Variants in ZFP64 observed in about 807,000 individuals in gnomAD.
ZFP64 encodes zinc finger protein 64.
ZFP64 carries 14 observed loss-of-function variants against 51.6 expected under a neutral mutation model. The observed-to-expected ratio is 0.27, with a 90% confidence interval of 0.18 to 0.42. The LOEUF is 0.42. Among genes scored for constraint, ZFP64 ranks in the 10% least tolerant of loss-of-function variants. The probability of loss-of-function intolerance (pLI) is 1.00; values close to 1 mark genes in which losing one functional copy is unlikely to be tolerated. For synonymous variants in ZFP64, 375 were observed against 361.4 expected (o/e 1.04, Z -0.43); for missense variants, 754 against 906.8 (o/e 0.83, Z 2.16).
In ZFP64 at chr20:52,160,316, C is replaced by T; in HGVS notation, c.570G>A (p.Leu190=). 1 of 1,614,232 alleles carries T rather than the reference C, an allele frequency of 6.2e-7. No homozygotes were observed. The highest frequency in any genetic ancestry group is 8.5e-7 in the Non-Finnish European group (1 of 1,180,050). ...CGKCFSRKDK[L]KTHMRCHTGV... ...CCGTGTGGCACCGCATGTGAGTTTT[C>T]AGCTTGTCTTTCCGGCTAAAGCACT... is the stretch of plus-strand genomic sequence containing the variant. Residue 190 remains leucine (L), a synonymous_variant, in exon 5 of 6, where the codon CTG becomes CTA. Transcript: ENST00000216923. This position sits in a 1 kb window ranked among gnomAD's most constrained non-coding sequence, Gnocchi z 4.2.
At chr20:52,104,882 A>C in intron 5 of ZFP64, 2 of 668,738 alleles carry the variant, frequency 3.0e-6, no homozygotes, top group South Asian at 1.6e-5. Context: ...TTGGGAGGCA[A>C]ACTCGTTGAC....
chr20:52,182,827 C>T (rs895199115), intron 2 of ZFP64, among the ~76,000 whole-genome samples: 1 of 152,240 alleles, frequency 6.6e-6, no homozygotes, highest in African/African-American at 2.4e-5. Context: ...GAGCAGTGTT[C>T]ACACCCAAGA....
chr20:52,097,953 A>T (rs1284666750), intron 6 of ZFP64, among the ~76,000 whole-genome samples: 1 of 152,198 alleles, frequency 6.6e-6, no homozygotes, highest in East Asian at 1.9e-4. Context: ...CTGTAGTCCC[A>T]ACTACTCAGG....
intron 2 of ZFP64, among the ~76,000 whole-genome samples, chr20:52,173,868 T>G (rs1392847213): frequency 6.6e-6 from 1 of 152,094 alleles, no homozygotes; most frequent in South Asian, 2.1e-4. Context: ...CAGGCTCATC[T>G]TGAACTCCCG....
chr20:52,098,457 C>A (rs140962599), exon 6 of ZFP64: 8 of 1,613,898 alleles, frequency 5.0e-6, no homozygotes, highest in Middle Eastern at 3.3e-4. Context: ...AACAGTTGAA[C>A]GTCCTCTCTC....
At chr20:52,129,175 G>A (rs1005562921) in intron 5 of ZFP64, among the ~76,000 whole-genome samples, 1 of 151,128 alleles carries the variant, frequency 6.6e-6, no homozygotes, top group African/African-American at 2.4e-5. Context: ...TCCGCCTCCC[G>A]GGTTCACGCC....
At chr20:52,190,094 A>T (rs894471601) in intron 1 of ZFP64, among the ~76,000 whole-genome samples, 2 of 152,216 alleles carry the variant, frequency 1.3e-5, no homozygotes, top group Non-Finnish European at 2.9e-5. Flanking sequence ...CTTGCTAAGG[A>T]GACTGGGCTG....
chr20:52,167,784 C>A (rs1982404803), intron 2 of ZFP64, among the ~76,000 whole-genome samples: 1 of 152,180 alleles, frequency 6.6e-6, no homozygotes, highest in Admixed American at 6.5e-5. Flanking sequence ...CCACCTTTGA[C>A]ATTTTTGACA....
chr20:52,156,877 G>C (rs888865054), intron 5 of ZFP64, among the ~76,000 whole-genome samples: 2 of 152,086 alleles, frequency 1.3e-5, no homozygotes, highest in Non-Finnish European at 2.9e-5. Context: ...ATAAATTCTA[G>C]GCAGAACAGT....
intron 2 of ZFP64, among the ~76,000 whole-genome samples, chr20:52,177,450 A>T (rs530291669): frequency 6.6e-6 from 1 of 152,068 alleles, no homozygotes; most frequent in Non-Finnish European, 1.5e-5. Flanking sequence ...GGCCAGCAGG[A>T]TCTGGAGTTT....
intron 5 of ZFP64, chr20:52,110,508 T>G (rs1600716601): frequency 1.4e-6 from 1 of 715,438 alleles, no homozygotes. Flanking sequence ...AGATCTTCCC[T>G]GTGATCTTCA....
At chr20:52,150,909 C>G (rs1163869784), downstream of ZFP64, among the ~76,000 whole-genome samples, 1 of 152,196 alleles carries the variant, frequency 6.6e-6, no homozygotes, top group South Asian at 2.1e-4. Context: ...TCAATACAAC[C>G]TATGCTTTGG....
intron 7 of ZFP64, among the ~76,000 whole-genome samples, chr20:52,094,086 G>A (rs2078958730): frequency 6.6e-6 from 1 of 152,180 alleles, no homozygotes; most frequent in Non-Finnish European, 1.5e-5. Flanking sequence ...CCGGACAGAG[G>A]CAGATCTACC....
At chr20:52,144,601 A>AAAAAAAAG (rs1980430806) in intron 5 of ZFP64, among the ~76,000 whole-genome samples, 2 of 148,790 alleles carry the variant, frequency 1.3e-5, no homozygotes, top group South Asian at 2.1e-4. Flanking sequence ...AAAAAAAAAA[A>AAAAAAAAG]ATGCTGAAAG....
rs1259426494 is a variant in ZFP64 at position 52,191,560 on chromosome 20, G to A, written c.46+31C>T. On this transcript the variant is annotated intron_variant, in intron 1 of 5. Transcript: ENST00000216923. The surrounding 1 kb of genome is among the most constrained non-coding windows in gnomAD (Gnocchi z 4.3). ...GCCCCGGAGCGCGCACTGGGCCCCGGAGCGCGCACTGCTCCCGGAAAAGCA... is the reference window on the plus strand; with the variant it reads ...GCCCCGGAGCGCGCACTGGGCCCCGAAGCGCGCACTGCTCCCGGAAAAGCA... 1.3e-6 allele frequency: 2 copies of A among 1,557,982 alleles called. No individual in the cohort carries two copies. The highest frequency in any genetic ancestry group is 2.4e-5 in the South Asian group (2 of 84,688).
intron 5 of ZFP64, among the ~76,000 whole-genome samples, chr20:52,155,577 T>C (rs114160900): frequency 1.8e-3 from 281 of 152,232 alleles, no homozygotes; most frequent in African/African-American, 6.4e-3. Context: ...AAACCAAATC[T>C]CGCAGCTAAG....
Position 52,153,091 on chromosome 20 carries a change from G to C in ZFP64, c.1101C>G (p.Thr367=), listed in dbSNP as rs1908096532. 6.2e-7 allele frequency: 1 copy of C among 1,614,068 alleles called. No individual in the cohort carries two copies. The highest frequency in any genetic ancestry group is 1.3e-5 in the African/African-American group (1 of 74,934). Residue 367 remains threonine (T), a synonymous_variant, in exon 6 of 6, where the codon ACC becomes ACG. Transcript: ENST00000216923. This position sits in a 1 kb window ranked among gnomAD's most constrained non-coding sequence, Gnocchi z 5.1. The stretch of plus-strand genomic sequence containing the variant: ...AGTAGTTGCACTTGAAAGGGCGGTC[G>C]GTGCAGTGGATACGCTCGTGGATGC... ...ALRIHERIHC[T]DRPFKCNYCS...
At position 52,165,863 on chromosome 20, in the gene ZFP64, C is replaced by T. The variant is rs1446694305; in HGVS notation, c.448+1G>A. Reference sequence around the variant, plus strand: ...CAAGTAGGACATAATGCTGCCTTTACCTGGATAGCAACAGTTAAGCCTTTT... The same window carrying T: ...CAAGTAGGACATAATGCTGCCTTTATCTGGATAGCAACAGTTAAGCCTTTT... On this transcript the variant is annotated splice_donor_variant, in intron 3 of 5. Coordinates refer to ENST00000216923, the MANE Select transcript of ZFP64 (RefSeq NM_018197.3). LOFTEE classifies it high-confidence loss of function. The T allele has an allele frequency of 1.9e-6, 3 of 1,613,982 alleles. No homozygotes were observed. The highest frequency in any genetic ancestry group is 1.7e-6 in the Non-Finnish European group (2 of 1,179,922).
intron 3 of ZFP64, chr20:52,165,180 G>T (rs776843128): frequency 8.7e-6 from 4 of 457,954 alleles, no homozygotes; most frequent in Non-Finnish European, 1.8e-5. Context: ...TGGTAGAAAG[G>T]ACATCGGTGG....
Sources: gnomAD v4.1 joint callset for allele counts (sites outside exome capture counted in the v4.1 genomes callset) on GRCh38, gnomAD v4.1.1 for gene constraint, Gnocchi (gnomAD v3.1) non-coding constraint, MANE v1.5 for transcripts, NCBI Gene and HGNC (gene_info 2026-07-23, HGNC 2026-07-21) for gene names.